Variants in SPINK14 observed in about 807,000 individuals in gnomAD.
SPINK14 encodes serine peptidase inhibitor Kazal type 14 (putative).
A neutral mutation model predicts 14.2 loss-of-function variants in SPINK14; 6 were observed. The ratio of observed to expected loss-of-function variants is 0.42; its 90% CI spans 0.23 to 0.83. The LOEUF (loss-of-function observed/expected upper bound fraction) is 0.83. Ranked by LOEUF, SPINK14 falls within the 40% of genes least tolerant of loss-of-function variation. The pLI, the probability that SPINK14 is intolerant of heterozygous loss-of-function variation, is 0.28. For synonymous variants in SPINK14, 34 were observed against 36.8 expected (o/e 0.92, Z 0.27); for missense variants, 86 against 108.3 (o/e 0.79, Z 0.91).
chr5:148,175,520 A>G lies in SPINK14; in HGVS notation c.*122A>G. ...TCATGACAAAGAGCTATCACTACTGAGCTTGTAGCAGATTGTTCAAAGTTC... is the reference window on the plus strand; with the variant it reads ...TCATGACAAAGAGCTATCACTACTGGGCTTGTAGCAGATTGTTCAAAGTTC... On this transcript the variant is annotated 3_prime_UTR_variant, in exon 5 of 5. Coordinates refer to ENST00000356972, the MANE Select transcript of SPINK14 (RefSeq NM_001001325.2). 1.4e-6 allele frequency: 1 copy of G among 714,280 alleles called. No individual in the cohort carries two copies. The allele number at this position is 714,280 out of a possible 1,614,324, so 44.2% of individuals were successfully genotyped here. A position where few individuals can be genotyped will look rare whatever the true frequency, so the allele number is the denominator to read the frequency against.
At chr5:148,174,169 T>C in intron 3 of SPINK14, 65 bp from the exon 4 acceptor site, 1 of 942,106 alleles carries the variant, frequency 1.1e-6, no homozygotes, top group Admixed American at 2.1e-5. Flanking sequence ...CCTAATAAAG[T>C]TCAAAGGTGA....
intron 3 of SPINK14, among the ~76,000 whole-genome samples, chr5:148,173,582 G>A (rs1352953369): frequency 1.4e-5 from 1 of 72,364 alleles, no homozygotes; most frequent in East Asian, 3.2e-4. Context: ...AGCTGTCATA[G>A]AAAGTCTCTA....
At chr5:148,170,870 C>A (rs1343077849) in intron 2 of SPINK14, 60 bp from the exon 3 acceptor site, 1 of 1,457,900 alleles carries the variant, frequency 6.9e-7, no homozygotes, top group Non-Finnish European at 9.6e-7. Flanking sequence ...ATTCTGCCAA[C>A]AGATTAAGCT....
Position 148,174,401 on chromosome 5 carries a change from T to C in SPINK14, c.248+31T>C. ...TACTATTTGGGGAAAAGAGGGGAAC[T>C]GTAAGTATGGTTATCCACAGCAATT... On this transcript the variant is annotated intron_variant, in intron 4 of 4. Coordinates refer to ENST00000356972, the MANE Select transcript of SPINK14 (RefSeq NM_001001325.2). 4.6e-6 allele frequency: 5 copies of C among 1,075,764 alleles called. 2 individuals carry two copies. Among genetic ancestry groups the C allele is most frequent in the Non-Finnish European group, 6.4e-6 (5 of 779,230 alleles). The allele number at this position is 1,075,764 out of a possible 1,614,324, so 66.6% of individuals were successfully genotyped here. A position where few individuals can be genotyped will look rare whatever the true frequency, so the allele number is the denominator to read the frequency against.
At chr5:148,170,579 T>C (rs1373407145) in intron 2 of SPINK14, among the ~76,000 whole-genome samples, 1 of 152,084 alleles carries the variant, frequency 6.6e-6, no homozygotes, top group Middle Eastern at 3.2e-3. Context: ...AATATGATGA[T>C]TGGGCCAAAA....
rs1198458498 is a variant in SPINK14 at position 148,174,428 on chromosome 5, C to A, written c.248+58C>A. The A allele has an allele frequency of 7.4e-6, 7 of 941,540 alleles. 2 individuals are homozygous for A. The Admixed American group carries it at 1.1e-4, about 14-fold the overall frequency. 58.3% of individuals were successfully genotyped at this position (941,540 alleles called of 1,614,324 possible). A position where few individuals can be genotyped will look rare whatever the true frequency, so the allele number is the denominator to read the frequency against. On this transcript the variant is annotated intron_variant, in intron 4 of 4. Coordinates refer to ENST00000356972, the MANE Select transcript of SPINK14 (RefSeq NM_001001325.2). ...TAAGTATGGTTATCCACAGCAATTA[C>A]CATCTACCCTTCCTATCAAGTACAT... is the stretch of plus-strand genomic sequence containing the variant.
chr5:148,170,932 TCAGGCCCTAGA>T lies in SPINK14; in HGVS notation c.73_83del (p.Gly25LeufsTer9). On this transcript the variant is annotated frameshift_variant, in exon 3 of 5. Transcript: ENST00000356972. LOFTEE classifies it high-confidence loss of function. Reference sequence around the variant, plus strand: ...AACTATTTTCATGTATTCTCTAGTTTCAGGCCCTAGACACTGGTGGCCACCACGTGGAATTA... The same window carrying T: ...AACTATTTTCATGTATTCTCTAGTTTCACTGGTGGCCACCACGTGGAATTA... 6.2e-7 allele frequency: 1 copy of T among 1,611,752 alleles called. No homozygotes were observed. Among genetic ancestry groups the T allele is most frequent in the South Asian group, 1.1e-5 (1 of 90,974 alleles).
intron 3 of SPINK14, 108 bp from the exon 4 acceptor site, chr5:148,174,126 G>C: frequency 1.6e-6 from 1 of 627,452 alleles, no homozygotes; most frequent in Non-Finnish European, 2.5e-6. Context: ...TGACAGGCAT[G>C]AGCCACCACG....
intron 3 of SPINK14, among the ~76,000 whole-genome samples, chr5:148,172,866 A>G (rs1372802005): frequency 6.6e-6 from 1 of 152,046 alleles, no homozygotes; most frequent in Non-Finnish European, 1.5e-5. Flanking sequence ...AAACTAACGA[A>G]CTTACTAAAA....
Position 148,169,723 on chromosome 5 carries a change from A to T in SPINK14, c.-10A>T. 1 of 1,606,280 alleles carries T rather than the reference A, an allele frequency of 6.2e-7. No homozygotes were observed. The highest frequency in any genetic ancestry group is 8.5e-7 in the Non-Finnish European group (1 of 1,175,340). ...CAGAGCATCATTCCAAGGACACACC[A>T]GGAGGAAAAATGGCCAAATCTTTCC... On this transcript the variant is annotated 5_prime_UTR_variant, in exon 2 of 5. Transcript: ENST00000356972.
At chr5:148,169,944 C>T (rs1458909876) in intron 2 of SPINK14, 145 bp downstream of exon 2, 9 of 355,810 alleles carry the variant, frequency 2.5e-5, no homozygotes, top group African/African-American at 1.1e-4. Flanking sequence ...TATCCATTGA[C>T]GTGTTGCAGA....
chr5:148,169,965 G>GTGTATATA (rs1554109799), intron 2 of SPINK14, among the ~76,000 whole-genome samples, 166 bp downstream of exon 2: 1 of 144,940 alleles, frequency 6.9e-6, no homozygotes, highest in African/African-American at 2.5e-5. Context: ...GTGTATATAT[G>GTGTATATA]TATATATATA....
chr5:148,169,547 TGAA>T (rs905561648), intron 1 of SPINK14, among the ~76,000 whole-genome samples, 111 bp from the exon 2 acceptor site: 93 of 152,282 alleles, frequency 6.1e-4, no homozygotes, highest in African/African-American at 2.1e-3. Context: ...CATTTGTTTC[TGAA>T]GAAGAATGGA....
In SPINK14 at chr5:148,175,404, T is replaced by G. The variant is rs755564580; in HGVS notation, c.*6T>G. On this transcript the variant is annotated 3_prime_UTR_variant, in exon 5 of 5. Coordinates refer to ENST00000356972, the MANE Select transcript of SPINK14 (RefSeq NM_001001325.2). Reference sequence around the variant, plus strand: ...ACCATGATGGAAAATGTTAGCTGAGTGGACTTGAATGTGGAAGATATCTTC... The same window carrying G: ...ACCATGATGGAAAATGTTAGCTGAGGGGACTTGAATGTGGAAGATATCTTC... 1.9e-6 allele frequency: 3 copies of G among 1,597,674 alleles called. No individual in the cohort carries two copies. The South Asian group carries it at 3.4e-5, about 18-fold the overall frequency.
rs1157586033 is a variant in SPINK14, at chr5:148,169,768, C to G, written c.36C>G (p.Ser12=). 3 of 1,609,964 alleles carry G rather than the reference C, an allele frequency of 1.9e-6. No homozygotes were observed. Among genetic ancestry groups the G allele is most frequent in the African/African-American group, 2.7e-5 (2 of 74,566 alleles). ...CTTTCCCAGTATTCTCACTTTTGTC[C>G]TTTATCTTGATACATTTGGTGTTAT... ...AKSFPVFSLL[S]FILIHLVLSS... Residue 12 remains serine (S), a synonymous_variant, in exon 2 of 5, where the codon TCC becomes TCG. Coordinates refer to ENST00000356972, the MANE Select transcript of SPINK14 (RefSeq NM_001001325.2).
intron 2 of SPINK14, among the ~76,000 whole-genome samples, chr5:148,170,599 A>G (rs1235153034): frequency 2.0e-5 from 3 of 152,092 alleles, no homozygotes; most frequent in Non-Finnish European, 4.4e-5. Context: ...AGATCACTTT[A>G]AAGTTACAGC....
chr5:148,170,431 T>C (rs1375139100), intron 2 of SPINK14, among the ~76,000 whole-genome samples: 1 of 152,102 alleles, frequency 6.6e-6, no homozygotes, highest in Admixed American at 6.6e-5. Flanking sequence ...TGGACCATTA[T>C]CTTTTGTGCC....
rs748951601 is a variant in SPINK14 at position 148,175,405 on chromosome 5, G to A, written c.*7G>A. On this transcript the variant is annotated 3_prime_UTR_variant, in exon 5 of 5. Coordinates refer to ENST00000356972, the MANE Select transcript of SPINK14 (RefSeq NM_001001325.2). ...CCATGATGGAAAATGTTAGCTGAGT[G>A]GACTTGAATGTGGAAGATATCTTCT... 2 of 1,596,750 alleles carry A rather than the reference G, an allele frequency of 1.3e-6. No individual in the cohort carries two copies. Among genetic ancestry groups the A allele is most frequent in the South Asian group, 1.1e-5 (1 of 89,410 alleles).
At chr5:148,172,894 G>C (rs894074662) in intron 3 of SPINK14, among the ~76,000 whole-genome samples, 18 of 152,104 alleles carry the variant, frequency 1.2e-4, no homozygotes, top group Non-Finnish European at 2.2e-4. Context: ...AAGCAAGGTA[G>C]TATCAGGTAA....
Sources: gnomAD v4.1 joint callset for allele counts (sites outside exome capture counted in the v4.1 genomes callset) on GRCh38, gnomAD v4.1.1 for gene constraint, MANE v1.5 for transcripts, NCBI Gene and HGNC (gene_info 2026-07-23, HGNC 2026-07-21) for gene names.